ABCA13: variants seen among roughly 807,000 people sequenced by gnomAD.
ABCA13 encodes ATP-binding cassette sub-family A member 13.
Under a neutral mutation model 478.7 loss-of-function variants are expected in ABCA13, and 476 were observed. The observed-to-expected ratio is 0.99, with a 90% CI of 0.92 to 1.07. The LOEUF (loss-of-function observed/expected upper bound fraction) is 1.07. Ranked by LOEUF, ABCA13 falls within the 50% of genes least tolerant of loss-of-function variation. The pLI is 0.00. For missense variants in ABCA13, 6,060 were observed against 5,910.6 expected (o/e 1.03, Z -0.83); for synonymous variants, 2,252 against 2,158.9 (o/e 1.04, Z -1.20).
In ABCA13 at chr7:48,176,072, G is replaced by A. The variant is rs141020125; in HGVS notation, c.69+4520G>A. On this transcript the variant is annotated intron_variant, in intron 1 of 61. Coordinates refer to ENST00000435803, the MANE Select transcript of ABCA13 (RefSeq NM_152701.5). ...AATCTATCCTTCAAATCATGGAGCAGTGACCATTCACAGGGTGGTTGTTGT... is the reference window on the plus strand; with the variant it reads ...AATCTATCCTTCAAATCATGGAGCAATGACCATTCACAGGGTGGTTGTTGT... 3.5e-3 allele frequency among the ~76,000 whole-genome samples: 540 copies of A among 152,284 alleles called. 5 individuals carry two copies. Among genetic ancestry groups the A allele is most frequent in the African/African-American group, 0.012 (512 of 41,558 alleles).
intron 15 of ABCA13, among the ~76,000 whole-genome samples, chr7:48,268,438 C>T (rs7797192): frequency 0.52 from 78,376 of 151,862 alleles, 20,925 homozygotes; most frequent in East Asian, 0.83. Context: ...GGATTACAGG[C>T]GTGAGCCACC....
chr7:48,364,927 C>T (rs1811444476), intron 31 of ABCA13, among the ~76,000 whole-genome samples: 1 of 152,078 alleles, frequency 6.6e-6, no homozygotes, highest in Admixed American at 6.6e-5. Flanking sequence ...ATACACTCTG[C>T]ATTGGAATTG....
intron 16 of ABCA13, among the ~76,000 whole-genome samples, chr7:48,271,439 T>C (rs2128747403): frequency 6.6e-6 from 1 of 152,322 alleles, no homozygotes; most frequent in South Asian, 2.1e-4. Flanking sequence ...TACCTTTACA[T>C]GCCAAGACAT....
At chr7:48,443,347 T>G (rs757919186) in intron 42 of ABCA13, among the ~76,000 whole-genome samples, 1 of 152,088 alleles carries the variant, frequency 6.6e-6, no homozygotes, top group Non-Finnish European at 1.5e-5. Flanking sequence ...CACTTGACAA[T>G]GAGATGGGGC....
At chr7:48,451,316 T>C (rs1338705274) in intron 42 of ABCA13, among the ~76,000 whole-genome samples, 1 of 152,134 alleles carries the variant, frequency 6.6e-6, no homozygotes, top group Non-Finnish European at 1.5e-5. Context: ...ATAAATCACC[T>C]GGTTTATGTA....
Position 48,473,056 on chromosome 7 carries a change from G to A in ABCA13, c.12975+1457G>A, listed in dbSNP as rs145287921. ...GCAAGAGAGAGAATGAGAACCAAGG[G>A]AAATGGGTTTCCCCTTATCAAACCA... On this transcript the variant is annotated intron_variant, in intron 45 of 61. Coordinates refer to ENST00000435803, the MANE Select transcript of ABCA13 (RefSeq NM_152701.5). Among the ~76,000 whole-genome samples the A allele has an allele frequency of 5.3e-3, 807 of 152,232 alleles. 10 individuals are homozygous for A. The highest frequency in any genetic ancestry group is 0.019 in the African/African-American group (770 of 41,526).
At position 48,310,093 on chromosome 7, in the gene ABCA13, G is replaced by C; in HGVS notation, c.9468G>C (p.Leu3156=). The part of the protein sequence containing the change: ...CSLPGSKVYS[L]IVLLSRNLDV... ...TGCCAGGGTCAAAAGTGTATTCTCT[G>C]ATTGTGTTGCTGAGTCGAAACTTGG... Residue 3156 remains leucine, a synonymous_variant, in exon 24 of 62, where the codon CTG becomes CTC. Transcript: ENST00000435803. The C allele has an allele frequency of 1.2e-6, 2 of 1,613,748 alleles. No individual in the cohort carries two copies. Among genetic ancestry groups the C allele is most frequent in the Non-Finnish European group, 8.5e-7 (1 of 1,179,686 alleles).
At chr7:48,600,749 G>A (rs1790804427) in intron 58 of ABCA13, among the ~76,000 whole-genome samples, 1 of 151,734 alleles carries the variant, frequency 6.6e-6, no homozygotes. Flanking sequence ...CATATTTTAA[G>A]TTTCACTTTA....
intron 23 of ABCA13, among the ~76,000 whole-genome samples, chr7:48,307,311 C>G (rs1801052234): frequency 6.6e-6 from 1 of 152,338 alleles, no homozygotes; most frequent in Admixed American, 6.5e-5. Flanking sequence ...CAGCAGGTTA[C>G]TCTACTGAAT....
At chr7:48,416,682 C>T (rs749747647) in intron 41 of ABCA13, among the ~76,000 whole-genome samples, 11 of 152,076 alleles carry the variant, frequency 7.2e-5, no homozygotes, top group Admixed American at 1.3e-4. Context: ...CTCCTGCAGG[C>T]GCTCCCAGAG....
At position 48,544,778 on chromosome 7, in the gene ABCA13, C is replaced by T. The variant is rs1173242781; in HGVS notation, c.14354+16433C>T. 2.6e-5 allele frequency among the ~76,000 whole-genome samples: 4 copies of T among 151,890 alleles called. No homozygotes were observed. In the East Asian group the frequency reaches 7.7e-4, roughly 29 times the overall value. On this transcript the variant is annotated intron_variant, in intron 55 of 61. Coordinates refer to ENST00000435803, the MANE Select transcript of ABCA13 (RefSeq NM_152701.5). Reference sequence around the variant, plus strand: ...AAGAAGAGGGTCATAGGATCCCTGGCCGATCCCAAAAGGTCAGAAGCTCAG... The same window carrying T: ...AAGAAGAGGGTCATAGGATCCCTGGTCGATCCCAAAAGGTCAGAAGCTCAG...
At chr7:48,533,590 T>C (rs569131144) in intron 55 of ABCA13, among the ~76,000 whole-genome samples, 68 of 152,226 alleles carry the variant, frequency 4.5e-4, no homozygotes, top group Non-Finnish European at 6.3e-4. Context: ...GACAGTGGAG[T>C]ATTAAAGTCC....
intron 8 of ABCA13, among the ~76,000 whole-genome samples, chr7:48,234,939 C>T (rs977761227): frequency 6.6e-6 from 1 of 152,194 alleles, no homozygotes; most frequent in African/African-American, 2.4e-5. Flanking sequence ...AGATTTTGCT[C>T]ACTTTTTTGT....
chr7:48,193,435 A>G (rs926205147), intron 2 of ABCA13, among the ~76,000 whole-genome samples: 1 of 150,418 alleles, frequency 6.6e-6, no homozygotes. Context: ...GTGAGAAAAT[A>G]ATGATGCTGA....
Position 48,338,371 on chromosome 7 carries a change from C to CTGAGAAACAAATTTG in ABCA13, c.10122_10136dup (p.Lys3377_Asn3381dup). 6.3e-7 allele frequency: 1 copy of CTGAGAAACAAATTTG among 1,590,834 alleles called. No homozygotes were observed. Among genetic ancestry groups the CTGAGAAACAAATTTG allele is most frequent in the Non-Finnish European group, 8.6e-7 (1 of 1,168,182 alleles). ...CTATATTATTTTTCTTTAGGAGGCC[C>CTGAGAAACAAATTTG]TGAGAAACAAATTTGTAAGAAACTT... On this transcript the variant is annotated inframe_insertion, in exon 29 of 62. Coordinates refer to ENST00000435803, the MANE Select transcript of ABCA13 (RefSeq NM_152701.5).
intron 44 of ABCA13, among the ~76,000 whole-genome samples, chr7:48,471,085 G>A (rs1827442060): frequency 6.6e-6 from 1 of 152,156 alleles, no homozygotes; most frequent in African/African-American, 2.4e-5. Context: ...GCAACAGAAA[G>A]TTTAACCAAA....
At chr7:48,294,043 C>T (rs373593238) in intron 20 of ABCA13, among the ~76,000 whole-genome samples, 46 of 152,072 alleles carry the variant, frequency 3.0e-4, no homozygotes, top group African/African-American at 1.1e-3. Flanking sequence ...GTGTTTGTGG[C>T]TGTGAATTTT....
At chr7:48,512,052 T>A (rs760665148) in intron 51 of ABCA13, among the ~76,000 whole-genome samples, 1 of 151,386 alleles carries the variant, frequency 6.6e-6, no homozygotes. Flanking sequence ...GATGGAAGTA[T>A]GTAGATAAGA....
intron 31 of ABCA13, among the ~76,000 whole-genome samples, chr7:48,361,915 A>T (rs1041514639): frequency 6.6e-6 from 1 of 152,000 alleles, no homozygotes; most frequent in Admixed American, 6.5e-5. Context: ...GCTTTGTAAT[A>T]GTATGTTTTT....
Sources: allele counts gnomAD v4.1 joint callset (sites outside exome capture counted in the v4.1 genomes callset), GRCh38; gene constraint gnomAD v4.1.1; transcripts MANE v1.5; gene names NCBI Gene and HGNC (gene_info 2026-07-23, HGNC 2026-07-21).